Variants in GALNT13 observed in about 807,000 individuals in gnomAD.
The protein encoded by GALNT13 is UDP-GalNAc:polypeptide N-acetylgalactosaminyltransferase 13.
Under a neutral mutation model 64.2 loss-of-function variants are expected in GALNT13, and 28 were observed. The ratio of observed to expected loss-of-function variants is 0.44; its 90% confidence interval spans 0.32 to 0.60. The LOEUF (loss-of-function observed/expected upper bound fraction) is 0.60. GALNT13 is among the 20% of genes least tolerant of loss of function. GALNT13 has a pLI of 0.05. For synonymous variants in GALNT13, 214 were observed against 224.6 expected (o/e 0.95, Z 0.42); for missense variants, 577 against 669.8 (o/e 0.86, Z 1.53).
the GALNT13 span, among the ~76,000 whole-genome samples, chr2:153,631,532 G>T: frequency 1.3e-5 from 2 of 152,142 alleles, no homozygotes; most frequent in Non-Finnish European, 2.9e-5. Flanking sequence ...ATCTCATTGT[G>T]GTTTTGATTT....
rs1701962983 is a variant in GALNT13, at chr2:154,453,773, G to A, written c.*3222G>A. 1 of 152,066 alleles carries A rather than the reference G, an allele frequency of 6.6e-6. No individual in the cohort carries two copies. Among genetic ancestry groups the A allele is most frequent in the Non-Finnish European group, 1.5e-5 (1 of 68,010 alleles). The allele number at this position is 152,066 out of a possible 1,614,324, so 9.4% of individuals were successfully genotyped here. A position where few individuals can be genotyped will look rare whatever the true frequency, so the allele number is the denominator to read the frequency against. On this transcript the variant is annotated 3_prime_UTR_variant, in exon 13 of 13. Transcript: ENST00000392825. Reference sequence around the variant, plus strand: ...GAAAAATGTGTGTTAAAGTTGCTAAGTGTAACTGTATCATACTTTTTTTGT... The same window carrying A: ...GAAAAATGTGTGTTAAAGTTGCTAAATGTAACTGTATCATACTTTTTTTGT...
chr2:153,859,854 T>C, the GALNT13 span, among the ~76,000 whole-genome samples: 2 of 152,286 alleles, frequency 1.3e-5, no homozygotes, highest in Non-Finnish European at 2.9e-5. Flanking sequence ...CTACCATACA[T>C]TCAGCATTAA....
intron 9 of GALNT13, among the ~76,000 whole-genome samples, chr2:154,378,171 A>C (rs552142560): frequency 6.6e-6 from 1 of 152,252 alleles, no homozygotes; most frequent in African/African-American, 2.4e-5. Flanking sequence ...GAAACACACC[A>C]CATTTAAGTA....
chr2:153,618,565 A>G, the GALNT13 span, among the ~76,000 whole-genome samples: 3 of 151,902 alleles, frequency 2.0e-5, no homozygotes, highest in Non-Finnish European at 1.5e-5. Flanking sequence ...ATTAAGTCCA[A>G]TGCATATTTG....
chr2:153,159,859 T>C, the GALNT13 span, among the ~76,000 whole-genome samples: 1 of 152,330 alleles, frequency 6.6e-6, no homozygotes, highest in Middle Eastern at 3.4e-3. Context: ...TGCCTAAACA[T>C]GAAAAGTTTG....
At chr2:153,866,286 A>G in the GALNT13 span, among the ~76,000 whole-genome samples, 2 of 104,550 alleles carry the variant, frequency 1.9e-5, no homozygotes, top group South Asian at 3.2e-4. Flanking sequence ...CAATGTGCAC[A>G]TGCACCCTAA....
the GALNT13 span, among the ~76,000 whole-genome samples, chr2:153,766,486 C>T: frequency 6.6e-6 from 1 of 152,040 alleles, no homozygotes; most frequent in Non-Finnish European, 1.5e-5. Context: ...TTCTTAAAAT[C>T]CTATTATGCA....
At chr2:153,265,284 C>T in the GALNT13 span, among the ~76,000 whole-genome samples, 1 of 152,154 alleles carries the variant, frequency 6.6e-6, no homozygotes, top group East Asian at 1.9e-4. Flanking sequence ...GACAGCCTTT[C>T]ATGTTTATTT....
At chr2:153,529,170 T>G in the GALNT13 span, among the ~76,000 whole-genome samples, 2 of 151,848 alleles carry the variant, frequency 1.3e-5, no homozygotes, top group African/African-American at 2.4e-5. Flanking sequence ...TTACAAACTT[T>G]TAGCTAGACT....
At chr2:154,294,444 A>G (rs546299795) in intron 8 of GALNT13, among the ~76,000 whole-genome samples, 2 of 152,306 alleles carry the variant, frequency 1.3e-5, no homozygotes, top group East Asian at 1.9e-4. Context: ...AAGATTTCAA[A>G]CCAGATTTCA....
the GALNT13 span, among the ~76,000 whole-genome samples, chr2:153,823,595 C>T: frequency 1.3e-5 from 2 of 152,130 alleles, no homozygotes; most frequent in Non-Finnish European, 2.9e-5. Flanking sequence ...GACCCCCAAC[C>T]TTCACCATAT....
intron 4 of GALNT13, among the ~76,000 whole-genome samples, chr2:154,155,100 A>G (rs1456826058): frequency 6.6e-6 from 1 of 152,040 alleles, no homozygotes; most frequent in Non-Finnish European, 1.5e-5. Flanking sequence ...CAGAGGCAAG[A>G]TTTTTTACCA....
chr2:153,631,366 G>T, the GALNT13 span, among the ~76,000 whole-genome samples: 1 of 152,144 alleles, frequency 6.6e-6, no homozygotes, highest in African/African-American at 2.4e-5. Flanking sequence ...TCTAGTTCTA[G>T]ATCTGTGAGG....
At chr2:153,976,307 G>A (rs896542956) in intron 3 of GALNT13, among the ~76,000 whole-genome samples, 16 of 152,012 alleles carry the variant, frequency 1.1e-4, no homozygotes, top group Non-Finnish European at 1.5e-5. Flanking sequence ...ACTAAATGTG[G>A]TTTCTGTAGT....
chr2:154,189,436 A>C (rs1482660198), intron 4 of GALNT13, among the ~76,000 whole-genome samples: 1 of 144,688 alleles, frequency 6.9e-6, no homozygotes, highest in Non-Finnish European at 1.5e-5. Flanking sequence ...GAGGCACCAC[A>C]GTGCTTGTTC....
chr2:154,363,337 C>G (rs1332905584), intron 9 of GALNT13, among the ~76,000 whole-genome samples: 2 of 152,088 alleles, frequency 1.3e-5, no homozygotes, highest in Non-Finnish European at 2.9e-5. Flanking sequence ...TGAATTATGT[C>G]TATAGCATTT....
At chr2:153,156,268 C>T in the GALNT13 span, among the ~76,000 whole-genome samples, 1 of 152,132 alleles carries the variant, frequency 6.6e-6, no homozygotes, top group Non-Finnish European at 1.5e-5. Context: ...GCGGCCACAG[C>T]ACTTTCTTCT....
the GALNT13 span, among the ~76,000 whole-genome samples, chr2:153,681,501 A>T: frequency 3.3e-5 from 5 of 151,802 alleles, no homozygotes; most frequent in African/African-American, 1.2e-4. Context: ...AAATATGTTT[A>T]TCTCCCCACT....
the GALNT13 span, among the ~76,000 whole-genome samples, chr2:153,578,254 C>A: frequency 1.3e-5 from 2 of 152,094 alleles, no homozygotes; most frequent in Non-Finnish European, 2.9e-5. Flanking sequence ...TGTTATATAT[C>A]AATTTTATCT....
Sources: gnomAD v4.1 joint callset for allele counts (sites outside exome capture counted in the v4.1 genomes callset) on GRCh38, gnomAD v4.1.1 for gene constraint, MANE v1.5 for transcripts, NCBI Gene and HGNC (gene_info 2026-07-23, HGNC 2026-07-21) for gene names.